The following TMEM39B variants were observed in gnomAD, a reference collection of about 807,000 sequenced individuals.
The protein encoded by TMEM39B is transmembrane protein 39B.
Under a neutral mutation model 52.2 loss-of-function variants are expected in TMEM39B, and 23 were observed. The ratio of observed to expected loss-of-function variants is 0.44; its 90% confidence interval spans 0.32 to 0.62. The LOEUF (loss-of-function observed/expected upper bound fraction) is 0.62. TMEM39B is among the 20% of genes least tolerant of loss of function. The pLI, the probability that TMEM39B is intolerant of heterozygous loss-of-function variation, is 0.06. For missense variants in TMEM39B, 547 were observed against 642.0 expected (o/e 0.85, Z 1.60); for synonymous variants, 285 against 264.0 (o/e 1.08, Z -0.77).
chr1:32,078,588 A>T (rs1266938153), intron 5 of TMEM39B, among the ~76,000 whole-genome samples: 1 of 152,164 alleles, frequency 6.6e-6, no homozygotes, highest in Non-Finnish European at 1.5e-5. Flanking sequence ...CCAGAAATCC[A>T]TTACTGGCAG....
chr1:32,081,970 A>T (rs1640116553), intron 5 of TMEM39B, among the ~76,000 whole-genome samples: 1 of 152,160 alleles, frequency 6.6e-6, no homozygotes, highest in Admixed American at 6.6e-5. Context: ...ATACACACAT[A>T]TGCAAGTATA....
At position 32,094,117 on chromosome 1, in the gene TMEM39B, C is replaced by CTTTT. The variant is rs796499631; in HGVS notation, c.928-643_928-640dup. The stretch of plus-strand genomic sequence containing the variant: ...ACAGGTGTGAGCCACTGCGCCTGGC[C>CTTTT]TTTTTTTTTTTTTTTTTTTTTTTTT... On this transcript the variant is annotated intron_variant, in intron 6 of 8. Coordinates refer to ENST00000336294, the MANE Select transcript of TMEM39B (RefSeq NM_018056.4). Among the ~76,000 whole-genome samples, 10 of 29,804 alleles carry CTTTT rather than the reference C, an allele frequency of 3.4e-4. 1 individual carries two copies. The highest frequency in any genetic ancestry group is 6.9e-4 in the Admixed American group (1 of 1,452). The allele number at this position is 29,804 out of a possible 152,430, so 19.6% of individuals were successfully genotyped here. A position where few individuals can be genotyped will look rare whatever the true frequency, so the allele number is the denominator to read the frequency against.
chr1:32,076,724 A>G (rs777328975), intron 3 of TMEM39B, 39 bp from the exon 4 acceptor site: 2 of 1,595,714 alleles, frequency 1.3e-6, no homozygotes, highest in Non-Finnish European at 8.6e-7. Context: ...CATATGGGCA[A>G]GGGGCCCACA....
chr1:32,073,484 G>T, intron 1 of TMEM39B: 1 of 967,112 alleles, frequency 1.0e-6, no homozygotes, highest in Non-Finnish European at 1.2e-6. Context: ...TGGGGCTTCT[G>T]GGCTGAGAGG....
At chr1:32,096,372 A>G (rs1252710974) in intron 7 of TMEM39B, among the ~76,000 whole-genome samples, 1 of 146,246 alleles carries the variant, frequency 6.8e-6, no homozygotes, top group African/African-American at 2.6e-5. Context: ...TTGCTTAGTT[A>G]CCTGCCTGTC....
intron 5 of TMEM39B, among the ~76,000 whole-genome samples, chr1:32,078,027 A>G (rs1197512881): frequency 1.3e-5 from 2 of 151,116 alleles, no homozygotes. Flanking sequence ...TCGTTTCCCA[A>G]CCCCCAGGTT....
chr1:32,090,004 G>A (rs1340268659), intron 5 of TMEM39B, among the ~76,000 whole-genome samples: 2 of 151,652 alleles, frequency 1.3e-5, no homozygotes, highest in Non-Finnish European at 2.9e-5. Context: ...ACTCCAGCCT[G>A]AGCAACAGAG....
intron 5 of TMEM39B, among the ~76,000 whole-genome samples, chr1:32,084,757 G>A (rs1481671852): frequency 1.3e-5 from 2 of 151,820 alleles, no homozygotes; most frequent in African/African-American, 2.4e-5. Flanking sequence ...TAGTAGAGAC[G>A]GGGTTTCACC....
chr1:32,100,685 C>G, intron 8 of TMEM39B, 123 bp downstream of exon 8: 1 of 1,324,002 alleles, frequency 7.6e-7, no homozygotes, highest in Non-Finnish European at 1.1e-6. Context: ...CAAAGGAAGA[C>G]AGTGCACACA....
intron 5 of TMEM39B, chr1:32,087,686 G>C (rs1195715917): frequency 7.3e-6 from 1 of 136,408 alleles, no homozygotes; most frequent in African/African-American, 2.7e-5. Flanking sequence ...GACGGAGTCT[G>C]TCACCCAGGC....
chr1:32,078,493 A>C (rs1330831407), intron 5 of TMEM39B, among the ~76,000 whole-genome samples: 1 of 152,142 alleles, frequency 6.6e-6, no homozygotes, highest in East Asian at 1.9e-4. Flanking sequence ...TTAAAAAAAA[A>C]AAACATTATA....
At chr1:32,085,525 G>A (rs1204336851) in intron 5 of TMEM39B, among the ~76,000 whole-genome samples, 66 of 152,156 alleles carry the variant, frequency 4.3e-4, no homozygotes, top group Admixed American at 1.9e-3. Context: ...GGCCAAGGTG[G>A]GTGGATCACA....
At chr1:32,096,561 G>A (rs1046249419) in intron 7 of TMEM39B, among the ~76,000 whole-genome samples, 2 of 144,934 alleles carry the variant, frequency 1.4e-5, no homozygotes, top group African/African-American at 5.1e-5. Flanking sequence ...CTGGATTCAA[G>A]CGATTCTCCT....
At chr1:32,093,532 C>A (rs1297541194) in intron 6 of TMEM39B, among the ~76,000 whole-genome samples, 1 of 149,328 alleles carries the variant, frequency 6.7e-6, no homozygotes, top group African/African-American at 2.5e-5. Context: ...CTACCTTAGC[C>A]TCCTGAATGT....
At chr1:32,095,208 T>C (rs1228492732) in intron 7 of TMEM39B, among the ~76,000 whole-genome samples, 1 of 152,180 alleles carries the variant, frequency 6.6e-6, no homozygotes, top group Non-Finnish European at 1.5e-5. Flanking sequence ...TTCATGGACT[T>C]GTTGACTTTC....
chr1:32,074,207 C>T (rs984187304), intron 1 of TMEM39B, among the ~76,000 whole-genome samples: 2 of 152,074 alleles, frequency 1.3e-5, no homozygotes, highest in African/African-American at 4.8e-5. Context: ...TTATTTAGGC[C>T]CTGGGTCCTG....
rs571239523 is a variant in TMEM39B, at chr1:32,091,640, G to T, written c.591-35G>T. On this transcript the variant is annotated intron_variant, in intron 5 of 8. Transcript: ENST00000336294. ...CTGAGAGTTGGGATCCTGGCCCATG[G>T]GCAGGCCTTCCCTCACCACCGTCTT... is the stretch of plus-strand genomic sequence containing the variant. 34 of 1,554,622 alleles carry T rather than the reference G, an allele frequency of 2.2e-5. No homozygotes were observed. The East Asian group carries it at 7.2e-4, about 33-fold the overall frequency.
intron 6 of TMEM39B, among the ~76,000 whole-genome samples, chr1:32,092,357 A>C (rs1380101895): frequency 1.3e-5 from 2 of 152,102 alleles, no homozygotes; most frequent in African/African-American, 2.4e-5. Context: ...GAGTCTCACT[A>C]TGCTGCCCAA....
rs1178215057 is a variant in TMEM39B at position 32,076,103 on chromosome 1, CTTTT to C, written c.351+303_351+306del. On this transcript the variant is annotated intron_variant, in intron 3 of 8. Coordinates refer to ENST00000336294, the MANE Select transcript of TMEM39B (RefSeq NM_018056.4). Reference sequence around the variant, plus strand: ...CAGAGTCCTTTTCTTTTCTTTTCTTCTTTTTTTTTTTTTTTTTTTTTTTTTGAGA... The same window carrying C: ...CAGAGTCCTTTTCTTTTCTTTTCTTCTTTTTTTTTTTTTTTTTTTTTGAGA... 28 of 76,248 alleles carry C rather than the reference CTTTT, an allele frequency of 3.7e-4. No individual in the cohort carries two copies. In the South Asian group the frequency reaches 4.0e-3, roughly 11 times the overall value. 4.7% of individuals were successfully genotyped at this position (76,248 alleles called of 1,614,324 possible).
Sources: gnomAD v4.1 joint callset for allele counts (sites outside exome capture counted in the v4.1 genomes callset) on GRCh38, gnomAD v4.1.1 for gene constraint, MANE v1.5 for transcripts, NCBI Gene and HGNC (gene_info 2026-07-23, HGNC 2026-07-21) for gene names.